ECM1: variants seen among roughly 807,000 people sequenced by gnomAD.
The protein encoded by ECM1 is secretory component p85.
ECM1 carries 54 observed loss-of-function variants against 57.9 expected under a neutral mutation model. That is an observed-to-expected ratio of 0.93 (90% confidence interval 0.75 to 1.17). ECM1 has a LOEUF of 1.17. Ranked by LOEUF, ECM1 falls within the 50% of genes most tolerant of loss-of-function variation. ECM1 has a pLI of 0.00. For synonymous variants in ECM1, 237 were observed against 259.1 expected (o/e 0.91, Z 0.82); for missense variants, 649 against 688.1 (o/e 0.94, Z 0.64).
chr1:150,509,882 G>C (rs1458436075), intron 3 of ECM1, 40 bp from the exon 4 acceptor site: 1 of 1,614,064 alleles, frequency 6.2e-7, no homozygotes, highest in Non-Finnish European at 8.5e-7. Context: ...GCCCTGGCTA[G>C]GAGAAAGGGT....
intron 5 of ECM1, 165 bp downstream of exon 5, chr1:150,510,347 G>C (rs1334689399): frequency 1.5e-6 from 1 of 681,954 alleles, no homozygotes; most frequent in Non-Finnish European, 2.6e-6. Flanking sequence ...GTAAAATTGA[G>C]GATATACCTG....
Position 150,511,146 on chromosome 1 carries a change from G to A in ECM1, c.656G>A (p.Arg219His), listed in dbSNP as rs185031855. 1.9e-5 allele frequency: 31 copies of A among 1,614,182 alleles called. No individual in the cohort carries two copies. Among genetic ancestry groups the A allele is most frequent in the Middle Eastern group, 3.3e-4 (2 of 6,062 alleles). ...TLNFLEIGYS[R>H]CCHCRSHTNR... ...AATTTCCTGGAGATTGGATATTCCCGCTGCTGCCACTGCCGCAGCCACACA... is the reference window on the plus strand; with the variant it reads ...AATTTCCTGGAGATTGGATATTCCCACTGCTGCCACTGCCGCAGCCACACA... The change falls in exon 6 of 10, where the codon CGC becomes CAC. Residue 219 changes from arginine to histidine, a missense_variant. Physicochemically the swap from Arg to His is conservative, Grantham distance 29. Transcript: ENST00000369047.
rs1001361467 is a variant in ECM1, at chr1:150,513,605, G to A, written c.*138G>A. 2.3e-6 allele frequency: 2 copies of A among 859,402 alleles called. No individual in the cohort carries two copies. Among genetic ancestry groups the A allele is most frequent in the Middle Eastern group, 3.6e-4 (1 of 2,758 alleles). 53.2% of individuals were successfully genotyped at this position (859,402 alleles called of 1,614,324 possible). A position where few individuals can be genotyped will look rare whatever the true frequency, so the allele number is the denominator to read the frequency against. On this transcript the variant is annotated 3_prime_UTR_variant, in exon 10 of 10. Coordinates refer to ENST00000369047, the MANE Select transcript of ECM1 (RefSeq NM_004425.4). ...ATGTCTCACCCGCAGTGTTTTAAGT[G>A]GATCTTGGTGCCCTGGCCCAGGAGG...
At chr1:150,510,058 C>T (rs780804438) in intron 4 of ECM1, 44 bp from the exon 5 acceptor site, 3 of 1,613,876 alleles carry the variant, frequency 1.9e-6, no homozygotes, top group Admixed American at 3.3e-5. Context: ...CTGTTGACAC[C>T]AGGCTGATCC....
At position 150,511,513 on chromosome 1, in the gene ECM1, C is replaced by G; in HGVS notation, c.765C>G (p.Pro255=). 4.3e-6 allele frequency: 7 copies of G among 1,614,196 alleles called. No individual in the cohort carries two copies. The highest frequency in any genetic ancestry group is 5.9e-6 in the Non-Finnish European group (7 of 1,180,026). The stretch of plus-strand genomic sequence containing the variant: ...CCGAGTTCTCGGTCAAGACCCGACC[C>G]CACTGGTGCTGCACGCGGCAGGGGG... ...CEAEFSVKTR[P]HWCCTRQGEA... Residue 255 remains proline (P), a synonymous_variant, in exon 7 of 10, where the codon CCC becomes CCG. Transcript: ENST00000369047.
Position 150,509,918 on chromosome 1 carries a change from A to G in ECM1, c.224-4A>G, listed in dbSNP as rs753195791. 3 of 1,613,974 alleles carry G rather than the reference A, an allele frequency of 1.9e-6. No individual in the cohort carries two copies. The South Asian group carries it at 3.3e-5, about 18-fold the overall frequency. ...GGGCTGCTCACACATTCCCCCTTCT[A>G]TAGTGCAGCCCCCTCCCTCTCAGGA... On this transcript the variant is annotated splice_polypyrimidine_tract_variant and splice_region_variant and intron_variant, in intron 3 of 9. Coordinates refer to ENST00000369047, the MANE Select transcript of ECM1 (RefSeq NM_004425.4).
intron 5 of ECM1, chr1:150,510,551 C>G: frequency 1.8e-6 from 1 of 548,692 alleles, no homozygotes; most frequent in Non-Finnish European, 3.3e-6. Context: ...ATCATCCATT[C>G]CATGCCGAGA....
rs1169297576 is a variant in ECM1 at position 150,511,782 on chromosome 1, TC to T, written c.1036del (p.Gln346SerfsTer31). 1 of 1,613,164 alleles carries T rather than the reference TC, an allele frequency of 6.2e-7. No individual in the cohort carries two copies. The highest frequency in any genetic ancestry group is 8.5e-7 in the Non-Finnish European group (1 of 1,179,366). On this transcript the variant is annotated frameshift_variant, in exon 7 of 10. Transcript: ENST00000369047. LOFTEE classifies it high-confidence loss of function. The stretch of plus-strand genomic sequence containing the variant: ...GCACTGATCCAGCTGGAGAGGGAGT[TC>T]CAGCGCTGCTGCCGCCAGGGGAACA... ...LLALIQLEREFQRCCRQGNNH... is the reference protein window; with the variant it reads ...LLALIQLEREXQRCCRQGNNH...
At chr1:150,510,685 C>T (rs1251445195) in intron 5 of ECM1, 191 bp from the exon 6 acceptor site, 2 of 683,600 alleles carry the variant, frequency 2.9e-6, no homozygotes, top group Non-Finnish European at 2.6e-6. Flanking sequence ...TGAGCTGACA[C>T]CTTTCACACC....
chr1:150,510,822 G>T, intron 5 of ECM1, 54 bp from the exon 6 acceptor site: 1 of 1,582,778 alleles, frequency 6.3e-7, no homozygotes, highest in Admixed American at 1.7e-5. Context: ...AGCTCATCCA[G>T]CCTTTGTGGG....
Position 150,509,911 on chromosome 1 carries a change from C to G in ECM1, c.224-11C>G, listed in dbSNP as rs1262794665. Reference sequence around the variant, plus strand: ...AAAGGGTGGGCTGCTCACACATTCCCCCTTCTATAGTGCAGCCCCCTCCCT... The same window carrying G: ...AAAGGGTGGGCTGCTCACACATTCCGCCTTCTATAGTGCAGCCCCCTCCCT... On this transcript the variant is annotated splice_polypyrimidine_tract_variant and intron_variant, in intron 3 of 9. Transcript: ENST00000369047. The G allele has an allele frequency of 6.2e-7, 1 of 1,614,080 alleles. No individual in the cohort carries two copies. Among genetic ancestry groups the G allele is most frequent in the Non-Finnish European group, 8.5e-7 (1 of 1,179,946 alleles).
chr1:150,509,153 A>T (rs1228017213), intron 1 of ECM1: 4 of 346,176 alleles, frequency 1.2e-5, no homozygotes, highest in African/African-American at 2.1e-5. Context: ...CAAGGTCCAG[A>T]CTTTTTCCTC....
chr1:150,510,827 T>C (rs775548545), intron 5 of ECM1, 49 bp from the exon 6 acceptor site: 1 of 1,592,456 alleles, frequency 6.3e-7, no homozygotes, highest in South Asian at 1.1e-5. Flanking sequence ...ATCCAGCCTT[T>C]GTGGGTTCCT....
At position 150,509,928 on chromosome 1, in the gene ECM1, C is replaced by T. The variant is rs750065300; in HGVS notation, c.230C>T (p.Pro77Leu). Residue 77 changes from proline to leucine, a missense_variant, in exon 4 of 10, where the codon CCC (proline) becomes CTC (leucine). Physicochemically the swap from Pro to Leu is moderately conservative, Grantham distance 98. Coordinates refer to ENST00000369047, the MANE Select transcript of ECM1 (RefSeq NM_004425.4). Reference sequence around the variant, plus strand: ...CACATTCCCCCTTCTATAGTGCAGCCCCCTCCCTCTCAGGAGGCCACCCCT... The same window carrying T: ...CACATTCCCCCTTCTATAGTGCAGCTCCCTCCCTCTCAGGAGGCCACCCCT... ...PPFEGQSQVQPPPSQEATPLQ... is the reference protein window; with the variant it reads ...PPFEGQSQVQLPPSQEATPLQ... 2 of 1,614,078 alleles carry T rather than the reference C, an allele frequency of 1.2e-6. No individual in the cohort carries two copies. Among genetic ancestry groups the T allele is most frequent in the South Asian group, 2.2e-5 (2 of 91,088 alleles).
intron 6 of ECM1, 61 bp from the exon 7 acceptor site, chr1:150,511,396 C>T: frequency 6.2e-7 from 1 of 1,613,164 alleles, no homozygotes; most frequent in Non-Finnish European, 8.5e-7. Context: ...GTGTCCTTTC[C>T]TGGAGCCTGG....
chr1:150,509,463 C>T, intron 1 of ECM1, 68 bp from the exon 2 acceptor site: 1 of 1,558,596 alleles, frequency 6.4e-7, no homozygotes, highest in Non-Finnish European at 8.9e-7. Flanking sequence ...TCCACAGCCT[C>T]CCCATCCCTT....
In ECM1 at chr1:150,510,193, C is replaced by T. The variant is rs1670400695; in HGVS notation, c.385+11C>T. 1 of 1,613,086 alleles carries T rather than the reference C, an allele frequency of 6.2e-7. No homozygotes were observed. The highest frequency in any genetic ancestry group is 1.3e-5 in the African/African-American group (1 of 74,920). ...ATGAACAGAAGGAAGGTAAGCAGCT[C>T]CCTCTCTTCTTTACCCACCTTTACC... On this transcript the variant is annotated intron_variant, in intron 5 of 9. Coordinates refer to ENST00000369047, the MANE Select transcript of ECM1 (RefSeq NM_004425.4).
intron 1 of ECM1, 146 bp from the exon 2 acceptor site, chr1:150,509,384 AG>A (rs1409383866): frequency 2.4e-6 from 2 of 825,142 alleles, no homozygotes; most frequent in Non-Finnish European, 4.1e-6. Flanking sequence ...GGAGAGGATT[AG>A]GGGACACGGG....
intron 8 of ECM1, 39 bp downstream of exon 8, chr1:150,512,611 G>A (rs141045340): frequency 5.1e-5 from 82 of 1,613,040 alleles, no homozygotes; most frequent in East Asian, 1.8e-4. Flanking sequence ...TTCCTTTCCC[G>A]AAAACTTCCT....
Sources: allele counts gnomAD v4.1 joint callset, GRCh38; gene constraint gnomAD v4.1.1; transcripts MANE v1.5; gene names NCBI Gene and HGNC (gene_info 2026-07-23, HGNC 2026-07-21).